Variants in SLCO2A1 observed in about 807,000 individuals in gnomAD.
SLCO2A1 encodes matrin F/G 1.
SLCO2A1 carries 60 observed loss-of-function variants against 71.7 expected under a neutral mutation model. The ratio of observed to expected loss-of-function variants is 0.84; its 90% CI spans 0.68 to 1.04. SLCO2A1 has a LOEUF of 1.04. Ranked by LOEUF, SLCO2A1 falls within the 50% of genes least tolerant of loss-of-function variation. The probability of loss-of-function intolerance (pLI) is 0.00; values close to 1 mark genes in which losing one functional copy is unlikely to be tolerated. For synonymous variants in SLCO2A1, 308 were observed against 326.7 expected, an observed-to-expected ratio of 0.94 and a Z score of 0.62; for missense variants, 745 against 813.4, an observed-to-expected ratio of 0.92 and a Z score of 1.02.
chr3:133,978,462 A>G (rs930715857), intron 2 of SLCO2A1, among the ~76,000 whole-genome samples: 2 of 152,150 alleles, frequency 1.3e-5, no homozygotes, highest in Admixed American at 1.3e-4. Flanking sequence ...TATGTGGACC[A>G]TCAAGGAAGG....
chr3:134,000,615 G>A (rs1935087307), intron 1 of SLCO2A1, among the ~76,000 whole-genome samples: 2 of 152,258 alleles, frequency 1.3e-5, no homozygotes, highest in South Asian at 4.1e-4. Flanking sequence ...TCTAGGAAAA[G>A]GCAGCCTCAC....
chr3:134,006,734 C>G (rs1935225241), intron 1 of SLCO2A1, among the ~76,000 whole-genome samples: 1 of 152,194 alleles, frequency 6.6e-6, no homozygotes, highest in Non-Finnish European at 1.5e-5. Context: ...TGATGGACAT[C>G]TGGGTTATTT....
Position 134,011,036 on chromosome 3 carries a change from G to GT in SLCO2A1, c.96+18670dup, listed in dbSNP as rs576585326. Reference sequence around the variant, plus strand: ...CACATTTACACATTAAATTTTGTCTGTTTTTTTTGTTTGTTTGTTTTTTGT... The same window carrying GT: ...CACATTTACACATTAAATTTTGTCTGTTTTTTTTTGTTTGTTTGTTTTTTGT... On this transcript the variant is annotated intron_variant, in intron 1 of 13. Coordinates refer to ENST00000310926, the MANE Select transcript of SLCO2A1 (RefSeq NM_005630.3). Among the ~76,000 whole-genome samples the GT allele has an allele frequency of 1.9e-3, 283 of 151,932 alleles. 3 individuals are homozygous for GT. In the South Asian group the frequency reaches 0.029, roughly 15 times the overall value.
At chr3:133,958,374 G>A (rs755353833) in intron 3 of SLCO2A1, among the ~76,000 whole-genome samples, 6 of 152,248 alleles carry the variant, frequency 3.9e-5, no homozygotes, top group Non-Finnish European at 5.9e-5. Flanking sequence ...CTGGTGGGCA[G>A]AGTGTTAGGC....
chr3:134,029,683 G>A (rs1935781957), intron 1 of SLCO2A1, 24 bp downstream of exon 1: 1 of 1,554,776 alleles, frequency 6.4e-7, no homozygotes, highest in Non-Finnish European at 8.7e-7. Flanking sequence ...CTCCGGCCCG[G>A]AAGACCCCGC....
intron 2 of SLCO2A1, among the ~76,000 whole-genome samples, 168 bp from the exon 3 acceptor site, chr3:133,973,993 A>C (rs13063838): frequency 0.14 from 21,652 of 152,222 alleles, 1,610 homozygotes; most frequent in South Asian, 0.23. Context: ...AGAGAGCTTC[A>C]CAAGGGGCAA....
At chr3:133,945,498 T>A (rs1369801954) in intron 9 of SLCO2A1, among the ~76,000 whole-genome samples, 1 of 152,154 alleles carries the variant, frequency 6.6e-6, no homozygotes, top group Non-Finnish European at 1.5e-5. Context: ...AATCCACTAA[T>A]TATGCTCTGG....
chr3:134,004,222 T>G (rs1195467427), intron 1 of SLCO2A1, among the ~76,000 whole-genome samples: 2 of 152,230 alleles, frequency 1.3e-5, no homozygotes, highest in East Asian at 1.9e-4. Context: ...CCCCAGAACC[T>G]GTAAATAAAT....
At chr3:133,939,251 G>A (rs1249498250) in intron 11 of SLCO2A1, among the ~76,000 whole-genome samples, 1 of 152,222 alleles carries the variant, frequency 6.6e-6, no homozygotes, top group Non-Finnish European at 1.5e-5. Flanking sequence ...TTTGGCTGAG[G>A]AAGGAGATTC....
intron 3 of SLCO2A1, 151 bp from the exon 4 acceptor site, chr3:133,955,344 C>G (rs985007832): frequency 1.6e-6 from 1 of 619,722 alleles, no homozygotes; most frequent in Non-Finnish European, 2.8e-6. Flanking sequence ...TCCTGAGGAC[C>G]GCGTCCTTCT....
intron 1 of SLCO2A1, among the ~76,000 whole-genome samples, chr3:133,990,021 G>GTGTTTTCC (rs1311353776): frequency 1.3e-5 from 2 of 152,210 alleles, no homozygotes; most frequent in African/African-American, 2.4e-5. Context: ...AAGGTTTCTT[G>GTGTTTTCC]TGTTTTCCGT....
At chr3:134,003,703 G>A (rs144503391) in intron 1 of SLCO2A1, among the ~76,000 whole-genome samples, 3 of 152,266 alleles carry the variant, frequency 2.0e-5, no homozygotes, top group African/African-American at 7.2e-5. Flanking sequence ...ACTGCCCTTG[G>A]CCCCCATGGC....
At chr3:134,020,049 T>G (rs997678057) in intron 1 of SLCO2A1, among the ~76,000 whole-genome samples, 7 of 152,144 alleles carry the variant, frequency 4.6e-5, no homozygotes, top group Non-Finnish European at 8.8e-5. Flanking sequence ...ATCTGTAGAT[T>G]ACAGACATTG....
chr3:133,980,117 C>T (rs1283553108), intron 1 of SLCO2A1, among the ~76,000 whole-genome samples: 1 of 152,190 alleles, frequency 6.6e-6, no homozygotes, highest in Non-Finnish European at 1.5e-5. Context: ...TCTTCCATTC[C>T]CAACACCTGT....
At position 133,953,755 on chromosome 3, in the gene SLCO2A1, A is replaced by G. The variant is rs1261723654; in HGVS notation, c.632T>C (p.Leu211Ser). ...PSNSPLYISI[L>S]FAISVFGPAF... ...CGGTCCAAATACAGAGATGGCAAAT[A>G]AGATGGCTGGAAAAGGAAGTAAGGG... is the stretch of plus-strand genomic sequence containing the variant. Residue 211 changes from leucine (L) to serine (S), a missense_variant, in exon 5 of 14, where the codon TTA becomes TCA. By Grantham distance (145) the Leu-to-Ser change is moderately radical. Transcript: ENST00000310926. The G allele has an allele frequency of 6.2e-7, 1 of 1,613,956 alleles. No individual in the cohort carries two copies. Among genetic ancestry groups the G allele is most frequent in the Middle Eastern group, 1.6e-4 (1 of 6,062 alleles).
chr3:134,020,637 G>A (rs1935553591), intron 1 of SLCO2A1, among the ~76,000 whole-genome samples: 1 of 152,260 alleles, frequency 6.6e-6, no homozygotes, highest in Non-Finnish European at 1.5e-5. Context: ...CGTTTGAGTG[G>A]AAGCGTGGCC....
rs1165893401 is a variant in SLCO2A1 at position 133,948,617 on chromosome 3, T to C, written c.1024A>G (p.Ile342Val). 6.2e-7 allele frequency: 1 copy of C among 1,613,966 alleles called. No individual in the cohort carries two copies. The highest frequency in any genetic ancestry group is 8.5e-7 in the Non-Finnish European group (1 of 1,180,008). The change falls in exon 8 of 14, where the codon ATT becomes GTT. Residue 342 changes from isoleucine to valine, a missense_variant. Coordinates refer to ENST00000310926, the MANE Select transcript of SLCO2A1 (RefSeq NM_005630.3). The stretch of plus-strand genomic sequence containing the variant: ...TTGAGGAAGGTGGAGAGGCCAGCAA[T>C]GACGGAGGAGAAGGTGCACTGGGCC... ...VLAQCTFSSV[I>V]AGLSTFLNKF...
intron 3 of SLCO2A1, among the ~76,000 whole-genome samples, chr3:133,956,079 G>A (rs1042170886): frequency 2.6e-5 from 4 of 152,144 alleles, no homozygotes; most frequent in Admixed American, 6.5e-5. Flanking sequence ...AGGGGTTCTC[G>A]AGGGCTCCTT....
intron 1 of SLCO2A1, among the ~76,000 whole-genome samples, chr3:134,020,020 T>G (rs1219708236): frequency 4.6e-5 from 7 of 152,150 alleles, no homozygotes; most frequent in African/African-American, 4.8e-5. Context: ...GATCGACCCC[T>G]GACCTAATCG....
Sources: allele counts gnomAD v4.1 joint callset (sites outside exome capture counted in the v4.1 genomes callset), GRCh38; gene constraint gnomAD v4.1.1; transcripts MANE v1.5; gene names NCBI Gene and HGNC (gene_info 2026-07-23, HGNC 2026-07-21).